P3H1: variants seen among roughly 807,000 people sequenced by gnomAD.
P3H1 encodes prolyl 3-hydroxylase 1.
P3H1 carries 69 observed loss-of-function variants against 84.0 expected under a neutral mutation model. The ratio of observed to expected loss-of-function variants is 0.82; its 90% CI spans 0.68 to 1.00. The LOEUF (loss-of-function observed/expected upper bound fraction) is 1.00, where lower values mean the gene tolerates loss of function less well. Among genes scored for constraint, P3H1 ranks in the 50% least tolerant of loss-of-function variants. The pLI is 0.00. For synonymous variants in P3H1, 366 were observed against 388.8 expected, an observed-to-expected ratio of 0.94 and a Z score of 0.69; for missense variants, 878 against 962.8, an observed-to-expected ratio of 0.91 and a Z score of 1.17.
rs150920935 is a variant in P3H1 at position 42,751,853 on chromosome 1, A to G, written c.1569+421T>C. On this transcript the variant is annotated intron_variant, in intron 10 of 14. Coordinates refer to ENST00000296388, the MANE Select transcript of P3H1 (RefSeq NM_022356.4). ...CGCCCCTCTTTAGGGGCCAGAGACA[A>G]TGAGTACCAGGCCCATCCCACGTCC... 1.4e-3 allele frequency: 352 copies of G among 258,272 alleles called. 1 individual carries two copies. Among genetic ancestry groups the G allele is most frequent in the Admixed American group, 2.6e-3 (54 of 20,414 alleles). 16.0% of individuals were successfully genotyped at this position (258,272 alleles called of 1,614,324 possible). A position where few individuals can be genotyped will look rare whatever the true frequency, so the allele number is the denominator to read the frequency against.
At chr1:42,760,376 GAGAC>G (rs987423862) in intron 2 of P3H1, 8 of 151,170 alleles carry the variant, frequency 5.3e-5, no homozygotes, top group South Asian at 2.1e-4. Context: ...GTTTTTTTTT[GAGAC>G]AGACAGCCCA....
chr1:42,746,543 A>G lies in P3H1; in HGVS notation c.*154T>C, dbSNP rs1352060282. On this transcript the variant is annotated 3_prime_UTR_variant, in exon 15 of 15. Coordinates refer to ENST00000296388, the MANE Select transcript of P3H1 (RefSeq NM_022356.4). ...GTCTGGTCATGTCCACTCCAAGAGC[A>G]GTAGCACCATGTAGAAGGCTGTGAG... 2 of 668,864 alleles carry G rather than the reference A, an allele frequency of 3.0e-6. No homozygotes were observed. Among genetic ancestry groups the G allele is most frequent in the Non-Finnish European group, 5.3e-6 (2 of 377,898 alleles). The allele number at this position is 668,864 out of a possible 1,614,324, so 41.4% of individuals were successfully genotyped here. A position where few individuals can be genotyped will look rare whatever the true frequency, so the allele number is the denominator to read the frequency against.
Position 42,747,735 on chromosome 1 carries a change from G to A in P3H1, c.1902C>T (p.Ala634=), listed in dbSNP as rs766454767. ...AGGGAGCACTCACCGTCACGGTCTTGGCATCCAGTTCAGTGAAATAAAAGT... is the reference window on the plus strand; with the variant it reads ...AGGGAGCACTCACCGTCACGGTCTTAGCATCCAGTTCAGTGAAATAAAAGT... The part of the protein sequence containing the change: ...GGNFYFTELD[A]KTVTAEVQPQ... The change falls in exon 13 of 15, where the codon GCC becomes GCT. Residue 634 remains alanine, a synonymous_variant. Coordinates refer to ENST00000296388, the MANE Select transcript of P3H1 (RefSeq NM_022356.4). 1 of 1,614,088 alleles carries A rather than the reference G, an allele frequency of 6.2e-7. No individual in the cohort carries two copies. Among genetic ancestry groups the A allele is most frequent in the Non-Finnish European group, 8.5e-7 (1 of 1,179,990 alleles).
At chr1:42,747,170 C>T (rs1357422174) in intron 14 of P3H1, 102 bp downstream of exon 14, 2 of 1,614,186 alleles carry the variant, frequency 1.2e-6, no homozygotes, top group Admixed American at 3.3e-5. Flanking sequence ...CGTGTCTCAG[C>T]CACTGGCAAT....
rs749384148 is a variant in P3H1, at chr1:42,757,835, T to C, written c.1028A>G (p.Tyr343Cys). ...TTCTTCTCCAAGCATAGCTGCATAATAGGCCAAATTTTGGTTCATCACCTC... is the reference window on the plus strand; with the variant it reads ...TTCTTCTCCAAGCATAGCTGCATAACAGGCCAAATTTTGGTTCATCACCTC... ...NDEVMNQNLAYYAAMLGEEHT... is the reference protein window; with the variant it reads ...NDEVMNQNLACYAAMLGEEHT... Residue 343 changes from tyrosine to cysteine, a missense_variant, in exon 5 of 15, where the codon TAT becomes TGT. Physicochemically the swap from Tyr to Cys is radical, Grantham distance 194. Transcript: ENST00000296388. The C allele has an allele frequency of 8.1e-6, 13 of 1,614,082 alleles. No individual in the cohort carries two copies. The South Asian group carries it at 1.2e-4, about 15-fold the overall frequency.
At chr1:42,759,981 C>CT (rs36110403) in intron 2 of P3H1, 49,915 of 103,032 alleles carry the variant, frequency 0.48, 14,277 homozygotes, top group South Asian at 0.66. Flanking sequence ...GATTCTTGCA[C>CT]TTTTTTTTTT....
chr1:42,757,949 A>G, intron 4 of P3H1, 27 bp from the exon 5 acceptor site: 2 of 1,602,878 alleles, frequency 1.2e-6, no homozygotes, highest in Non-Finnish European at 1.7e-6. Flanking sequence ...AGAATGGCTG[A>G]GAGGAAAGAG....
At chr1:42,748,824 G>T in intron 11 of P3H1, 1 of 245,072 alleles carries the variant, frequency 4.1e-6, no homozygotes, top group Admixed American at 4.9e-5. Context: ...GTCACGAAAG[G>T]GAACAGACCG....
chr1:42,758,984 C>G lies in P3H1; in HGVS notation c.809-1G>C, dbSNP rs758415465. 1.9e-6 allele frequency: 3 copies of G among 1,614,098 alleles called. No homozygotes were observed. The South Asian group carries it at 3.3e-5, about 18-fold the overall frequency. ...CAGTTGAGGACCTGGATGTAATGAT[C>G]TGAAAGGAATCAAACAGAAGGAATA... On this transcript the variant is annotated splice_acceptor_variant, in intron 3 of 14. Coordinates refer to ENST00000296388, the MANE Select transcript of P3H1 (RefSeq NM_022356.4). LOFTEE classifies it high-confidence loss of function.
At chr1:42,750,652 G>GGT (rs1553141352) in intron 10 of P3H1, among the ~76,000 whole-genome samples, 1 of 130,306 alleles carries the variant, frequency 7.7e-6, no homozygotes, top group African/African-American at 3.3e-5. Context: ...AGGGAGGCCG[G>GGT]GGGGGGTGGT....
chr1:42,759,357 C>T lies in P3H1; in HGVS notation c.652G>A (p.Glu218Lys). The stretch of plus-strand genomic sequence containing the variant: ...GGCACAGCTTCCTGTGGCTGTTCCT[C>T]TGAGTAGAGTCGCACTCCCAGTCGA... ...EFRLGVRLYS[E>K]EQPQEAVPHL... is the part of the protein sequence containing the mutation. Residue 218 changes from glutamate to lysine, a missense_variant, in exon 3 of 15, where the codon GAG (glutamate) becomes AAG (lysine). Transcript: ENST00000296388. 1 of 1,614,194 alleles carries T rather than the reference C, an allele frequency of 6.2e-7. No individual in the cohort carries two copies. The highest frequency in any genetic ancestry group is 1.3e-5 in the African/African-American group (1 of 75,054).
At chr1:42,749,336 C>T (rs1225375504) in intron 11 of P3H1, among the ~76,000 whole-genome samples, 1 of 152,216 alleles carries the variant, frequency 6.6e-6, no homozygotes, top group Non-Finnish European at 1.5e-5. Flanking sequence ...GTACCAATGG[C>T]CATCACTGCC....
intron 1 of P3H1, among the ~76,000 whole-genome samples, chr1:42,764,811 T>C (rs1273522724): frequency 1.3e-5 from 2 of 152,220 alleles, no homozygotes; most frequent in Non-Finnish European, 2.9e-5. Context: ...TCTTTAACTG[T>C]AAAATTAGAA....
chr1:42,763,715 G>A (rs897398366), intron 1 of P3H1, among the ~76,000 whole-genome samples: 2 of 149,188 alleles, frequency 1.3e-5, no homozygotes, highest in Non-Finnish European at 3.0e-5. Flanking sequence ...TCCAAGGGGG[G>A]AGAAATAGGC....
intron 11 of P3H1, chr1:42,748,703 T>G: frequency 3.3e-6 from 1 of 304,798 alleles, no homozygotes. Context: ...CTGCAGGAGA[T>G]GGGGCTGAGT....
chr1:42,762,129 A>G, intron 2 of P3H1, 194 bp downstream of exon 2: 1 of 578,164 alleles, frequency 1.7e-6, no homozygotes, highest in Non-Finnish European at 3.1e-6. Flanking sequence ...TTTAAAAAAA[A>G]ACAAAAGAAT....
At chr1:42,758,754 C>T in intron 4 of P3H1, 98 bp downstream of exon 4, 1 of 1,434,454 alleles carries the variant, frequency 7.0e-7, no homozygotes, top group Non-Finnish European at 9.8e-7. Flanking sequence ...TGAAATAAGC[C>T]AAACACCTTG....
intron 5 of P3H1, 119 bp from the exon 6 acceptor site, chr1:42,755,756 T>C: frequency 1.4e-6 from 1 of 737,916 alleles, no homozygotes; most frequent in Admixed American, 2.0e-5. Context: ...CTCCTCTCCC[T>C]ACCAATGCTC....
chr1:42,748,390 G>C (rs1298574752), intron 11 of P3H1, 73 bp from the exon 12 acceptor site: 2 of 1,135,494 alleles, frequency 1.8e-6, no homozygotes, highest in African/African-American at 3.0e-5. Context: ...TGGCAGGGGA[G>C]GTGCTTCCCA....
Sources: gnomAD v4.1 joint callset for allele counts (sites outside exome capture counted in the v4.1 genomes callset) on GRCh38, gnomAD v4.1.1 for gene constraint, MANE v1.5 for transcripts, NCBI Gene and HGNC (gene_info 2026-07-23, HGNC 2026-07-21) for gene names.